The following SNAP47 variants were observed in gnomAD, a reference collection of about 807,000 sequenced individuals.
SNAP47 encodes the protein synaptosome associated protein 47, also known as synaptosomal-associated protein 47.
In SNAP47, 20 loss-of-function variants were observed where a neutral mutation model predicts 31.4. The ratio of observed to expected loss-of-function variants is 0.64; its 90% CI spans 0.45 to 0.93. The LOEUF is 0.93. Among genes scored for constraint, SNAP47 ranks in the 40% least tolerant of loss-of-function variants. SNAP47 has a pLI of 0.00. For synonymous variants in SNAP47, 194 were observed against 213.4 expected (o/e 0.91, Z 0.79); for missense variants, 492 against 528.5 (o/e 0.93, Z 0.68).
chr1:227,744,191 T>G (rs1661804646), intron 1 of SNAP47: 1 of 151,668 alleles, frequency 6.6e-6, no homozygotes, highest in East Asian at 1.9e-4. Flanking sequence ...TTTTTTTTTT[T>G]TAGTATTTTT....
upstream of SNAP47, chr1:227,735,118 G>A (rs1480281290): frequency 6.3e-7 from 1 of 1,578,554 alleles, no homozygotes; most frequent in East Asian, 2.3e-5. Flanking sequence ...CGCAGGGCAG[G>A]TTGGGCAGCA....
At chr1:227,776,669 C>G in intron 4 of SNAP47, 2 of 985,506 alleles carry the variant, frequency 2.0e-6, no homozygotes, top group African/African-American at 3.5e-5. Flanking sequence ...TTACTTCAGT[C>G]CCTTCTCAAA....
chr1:227,732,221 A>T (rs1449960223), upstream of SNAP47: 2 of 725,914 alleles, frequency 2.8e-6, no homozygotes, highest in Admixed American at 5.4e-5. Context: ...CCCTGACCTC[A>T]TTGGGCCTCA....
chr1:227,747,991 A>G lies in SNAP47; in HGVS notation c.255A>G (p.Pro85=), dbSNP rs201794905. ...AGCACTGGTTCAGCTCCCTGCGGCC[A>G]AGTCGAAATGTGGTCTTCAGCATCA... ...HAKHWFSSLR[P]SRNVVFSIIE... is the part of the protein sequence containing the mutation. The change falls in exon 2 of 5, where the codon CCA becomes CCG. Residue 85 remains proline, a synonymous_variant. Coordinates refer to ENST00000617596, the MANE Select transcript of SNAP47 (RefSeq NM_053052.4). 16 of 1,614,206 alleles carry G rather than the reference A, an allele frequency of 9.9e-6. No individual in the cohort carries two copies. Among genetic ancestry groups the G allele is most frequent in the African/African-American group, 1.3e-5 (1 of 75,046 alleles).
chr1:227,764,717 G>A (rs1001815092), intron 3 of SNAP47, among the ~76,000 whole-genome samples: 1 of 152,124 alleles, frequency 6.6e-6, no homozygotes, highest in Non-Finnish European at 1.5e-5. Flanking sequence ...CAGCCTGACC[G>A]ATATGGTGAA....
chr1:227,737,235 T>G (rs1184861707), intron 1 of SNAP47, among the ~76,000 whole-genome samples: 1 of 152,234 alleles, frequency 6.6e-6, no homozygotes, highest in Non-Finnish European at 1.5e-5. Flanking sequence ...GCAGATTTAT[T>G]GCCCCCGAAG....
At chr1:227,777,028 A>C in intron 4 of SNAP47, 1 of 985,480 alleles carries the variant, frequency 1.0e-6, no homozygotes, top group Non-Finnish European at 1.2e-6. Context: ...CTTAATAGGC[A>C]AAACCCTAAA....
chr1:227,748,085 A>G lies in SNAP47; in HGVS notation c.349A>G (p.Thr117Ala), dbSNP rs1259585424. Reference sequence around the variant, plus strand: ...CGTGGCAGACGCATCTGTCCCAAGGACCCGGGGCGAGGAGCTGACGGGACT... The same window carrying G: ...CGTGGCAGACGCATCTGTCCCAAGGGCCCGGGGCGAGGAGCTGACGGGACT... Reference protein sequence around the residue: ...GAVADASVPRTRGEELTGLMA... With the variant: ...GAVADASVPRARGEELTGLMA... The change falls in exon 2 of 5, where the codon ACC becomes GCC. Residue 117 changes from threonine to alanine, a missense_variant. Coordinates refer to ENST00000617596, the MANE Select transcript of SNAP47 (RefSeq NM_053052.4). 13 of 1,614,008 alleles carry G rather than the reference A, an allele frequency of 8.1e-6. No homozygotes were observed. In the East Asian group the frequency reaches 2.9e-4, roughly 36 times the overall value.
intron 4 of SNAP47, chr1:227,776,767 TAC>T: frequency 1.0e-6 from 1 of 985,476 alleles, no homozygotes; most frequent in Non-Finnish European, 1.2e-6. Flanking sequence ...CTAGCAGCTG[TAC>T]AGATCGCTCT....
At position 227,741,811 on chromosome 1, in the gene SNAP47, A is replaced by G. The variant is rs1174522496; in HGVS notation, c.-45-5881A>G. Among the ~76,000 whole-genome samples, 2 of 152,090 alleles carry G rather than the reference A, an allele frequency of 1.3e-5. No homozygotes were observed. Among genetic ancestry groups the G allele is most frequent in the Non-Finnish European group, 1.5e-5 (1 of 68,008 alleles). ...GGGGTGTCTTCACTTCCGTCCTTGC[A>G]CTGCATCTCCGTTGACTAAGGTTTT... On this transcript the variant is annotated intron_variant, in intron 1 of 4. Coordinates refer to ENST00000617596, the MANE Select transcript of SNAP47 (RefSeq NM_053052.4). This position sits in a 1 kb window ranked among gnomAD's most constrained non-coding sequence, Gnocchi z 4.2.
At chr1:227,750,371 G>A (rs1457875233) in intron 2 of SNAP47, among the ~76,000 whole-genome samples, 1 of 152,258 alleles carries the variant, frequency 6.6e-6, no homozygotes, top group Non-Finnish European at 1.5e-5. Flanking sequence ...CACATTACAG[G>A]CCGAGCTGCT....
In SNAP47 at chr1:227,762,591, G is replaced by A. The variant is rs373212910; in HGVS notation, c.988+3106G>A. Among the ~76,000 whole-genome samples the A allele has an allele frequency of 3.9e-5, 6 of 152,254 alleles. No homozygotes were observed. Among genetic ancestry groups the A allele is most frequent in the African/African-American group, 7.2e-5 (3 of 41,466 alleles). On this transcript the variant is annotated intron_variant, in intron 3 of 4. Coordinates refer to ENST00000617596, the MANE Select transcript of SNAP47 (RefSeq NM_053052.4). The surrounding 1 kb of genome is among the most constrained non-coding windows in gnomAD (Gnocchi z 4.2). Reference sequence around the variant, plus strand: ...GCCTCTGGGACGAGCGCTGGTGCACGTGTGGCCACAGGGTGGCAGCCTCGC... The same window carrying A: ...GCCTCTGGGACGAGCGCTGGTGCACATGTGGCCACAGGGTGGCAGCCTCGC...
upstream of SNAP47, chr1:227,733,867 C>A (rs370146216): frequency 1.2e-6 from 2 of 1,610,504 alleles, no homozygotes; most frequent in African/African-American, 1.3e-5. Context: ...GTTCTGTCAC[C>A]AGGCCCCTTC....
At chr1:227,767,266 C>T (rs912796284) in intron 4 of SNAP47, among the ~76,000 whole-genome samples, 183 bp downstream of exon 4, 9 of 152,212 alleles carry the variant, frequency 5.9e-5, no homozygotes, top group African/African-American at 2.2e-4. Flanking sequence ...GTGTCCGTCC[C>T]AGGTCCACAC....
At chr1:227,735,789 A>AGGGTCCTGGAGGAGATGGTG (rs2102875808) in intron 1 of SNAP47, 1 of 889,600 alleles carries the variant, frequency 1.1e-6, no homozygotes, top group African/African-American at 1.8e-5. Context: ...CGGAGATGGT[A>AGGGTCCTGGAGGAGATGGTG]GGGTCCTGGA....
chr1:227,732,544 C>A, upstream of SNAP47: 1 of 1,613,418 alleles, frequency 6.2e-7, no homozygotes, highest in Non-Finnish European at 8.5e-7. Context: ...TCAAAGGCTG[C>A]CTGTTCGAAA....
chr1:227,773,159 T>C (rs1663934880), intron 4 of SNAP47, among the ~76,000 whole-genome samples: 1 of 134,424 alleles, frequency 7.4e-6, no homozygotes, highest in Admixed American at 8.3e-5. Flanking sequence ...TTTGTAGACA[T>C]GGAGTCTCCC....
chr1:227,761,125 C>A (rs527879183), intron 3 of SNAP47, among the ~76,000 whole-genome samples: 2 of 152,186 alleles, frequency 1.3e-5, no homozygotes, highest in Non-Finnish European at 2.9e-5. Flanking sequence ...AAGCTGTATT[C>A]TTCAGGATTT....
intron 1 of SNAP47, among the ~76,000 whole-genome samples, chr1:227,737,000 A>G (rs1275232725): frequency 2.6e-5 from 4 of 152,232 alleles, no homozygotes; most frequent in African/African-American, 9.6e-5. Context: ...TTTTCTTTGT[A>G]GTAAACCTAG....
Sources: gnomAD v4.1 joint callset for allele counts (sites outside exome capture counted in the v4.1 genomes callset) on GRCh38, gnomAD v4.1.1 for gene constraint, Gnocchi (gnomAD v3.1) non-coding constraint, MANE v1.5 for transcripts, NCBI Gene and HGNC (gene_info 2026-07-23, HGNC 2026-07-21) for gene names.